Variants in ADAMTS18 observed in about 807,000 individuals in gnomAD.
ADAMTS18 encodes ADAM metallopeptidase with thrombospondin type 1 motif 18.
Under a neutral mutation model 165.9 loss-of-function variants are expected in ADAMTS18, and 157 were observed. The observed-to-expected ratio is 0.95, with a 90% CI of 0.83 to 1.08. The LOEUF is 1.08. ADAMTS18 is among the 50% of genes least tolerant of loss of function. ADAMTS18 has a pLI of 0.00. For synonymous variants in ADAMTS18, 782 were observed against 578.2 expected (o/e 1.35, Z -5.06); for missense variants, 2,040 against 1,534.0 (o/e 1.33, Z -5.51).
intron 7 of ADAMTS18, among the ~76,000 whole-genome samples, chr16:77,359,841 G>T (rs1181250887): frequency 6.6e-6 from 1 of 152,054 alleles, no homozygotes; most frequent in Non-Finnish European, 1.5e-5. Flanking sequence ...CACAGCTCAG[G>T]GTGTATTTTC....
At chr16:77,311,078 T>A (rs1269514861) in intron 16 of ADAMTS18, among the ~76,000 whole-genome samples, 2 of 151,846 alleles carry the variant, frequency 1.3e-5, no homozygotes, top group Admixed American at 1.3e-4. Flanking sequence ...ATGGGAAGAA[T>A]ATGATGTCAT....
At chr16:77,386,600 T>G (rs536574615) in intron 3 of ADAMTS18, among the ~76,000 whole-genome samples, 2 of 152,138 alleles carry the variant, frequency 1.3e-5, no homozygotes, top group Non-Finnish European at 2.9e-5. Context: ...CATCCCTCAT[T>G]ATATTACTAG....
chr16:77,339,633 A>T (rs2056368737), intron 11 of ADAMTS18, among the ~76,000 whole-genome samples: 2 of 151,900 alleles, frequency 1.3e-5, no homozygotes, highest in East Asian at 3.9e-4. Flanking sequence ...CTCAAGTCAC[A>T]AGTTCTAAGT....
chr16:77,334,804 A>C (rs2056276067), intron 12 of ADAMTS18, among the ~76,000 whole-genome samples: 1 of 122,854 alleles, frequency 8.1e-6, no homozygotes, highest in South Asian at 2.4e-4. Flanking sequence ...ACTATATACT[A>C]TAGTATACAG....
At chr16:77,397,571 T>C (rs952203647) in intron 3 of ADAMTS18, among the ~76,000 whole-genome samples, 2 of 152,344 alleles carry the variant, frequency 1.3e-5, no homozygotes, top group Admixed American at 1.3e-4. Context: ...GATGTTAATC[T>C]ATTCCAAGAA....
At chr16:77,293,037 T>C in intron 20 of ADAMTS18, 39 bp downstream of exon 20, 1 of 1,612,862 alleles carries the variant, frequency 6.2e-7, no homozygotes, top group Non-Finnish European at 8.5e-7. Flanking sequence ...GCCAGGATGG[T>C]CTCAATCTCC....
chr16:77,407,464 C>G (rs1342408808), intron 3 of ADAMTS18, among the ~76,000 whole-genome samples: 1 of 151,950 alleles, frequency 6.6e-6, no homozygotes, highest in Non-Finnish European at 1.5e-5. Context: ...CAAACTAACG[C>G]TAAAATGCAA....
chr16:77,332,077 C>T (rs1346192135), intron 12 of ADAMTS18, among the ~76,000 whole-genome samples: 4 of 152,102 alleles, frequency 2.6e-5, no homozygotes, highest in East Asian at 1.9e-4. Context: ...TAGGTACTAT[C>T]GTTATCCCGT....
At chr16:77,366,045 G>A (rs1489085928) in intron 4 of ADAMTS18, among the ~76,000 whole-genome samples, 1 of 152,150 alleles carries the variant, frequency 6.6e-6, no homozygotes, top group Non-Finnish European at 1.5e-5. Context: ...GCCCCTTAAT[G>A]GGGATATTTC....
At chr16:77,379,221 G>A (rs148261574) in intron 3 of ADAMTS18, among the ~76,000 whole-genome samples, 8 of 152,104 alleles carry the variant, frequency 5.3e-5, no homozygotes, top group Non-Finnish European at 1.2e-4. Context: ...ACCACCATAA[G>A]GTTCACCAAT....
chr16:77,324,948 C>G (rs1466904925), intron 13 of ADAMTS18, among the ~76,000 whole-genome samples: 2 of 152,176 alleles, frequency 1.3e-5, no homozygotes, highest in Non-Finnish European at 2.9e-5. Flanking sequence ...CATCAGTGCT[C>G]CTGAAATGGC....
intron 15 of ADAMTS18, 150 bp from the exon 16 acceptor site, chr16:77,320,243 A>T: frequency 1.0e-6 from 1 of 1,002,580 alleles, no homozygotes; most frequent in East Asian, 2.6e-5. Flanking sequence ...AGTAAACATG[A>T]TCAATGATTT....
At chr16:77,404,455 G>A (rs1422791864) in intron 3 of ADAMTS18, among the ~76,000 whole-genome samples, 1 of 152,062 alleles carries the variant, frequency 6.6e-6, no homozygotes, top group Non-Finnish European at 1.5e-5. Context: ...CTATAAGTCT[G>A]CAGAACCAAT....
In ADAMTS18 at chr16:77,364,354, G is replaced by A. The variant is rs746956218; in HGVS notation, c.806C>T (p.Thr269Ile). 8 of 1,613,756 alleles carry A rather than the reference G, an allele frequency of 5.0e-6. 2 individuals are homozygous for A. The South Asian group carries it at 8.8e-5, about 18-fold the overall frequency. The change falls in exon 5 of 23, where the codon ACC (threonine) becomes ATC (isoleucine). Residue 269 changes from threonine (T) to isoleucine (I), a missense_variant. Thr to Ile is a moderately conservative substitution (Grantham distance 89, BLOSUM62 -1). Coordinates refer to ENST00000282849, the MANE Select transcript of ADAMTS18 (RefSeq NM_199355.4). Reference protein sequence around the residue: ...KYAPKPPTEDTYLRFDEYGSS... With the variant: ...KYAPKPPTEDIYLRFDEYGSS... ...CCCATATTCATCAAACCTTAGATAG[G>A]TGTCCTCTGTGGGAGGCTTGGGAGC...
At position 77,294,963 on chromosome 16, in the gene ADAMTS18, T is replaced by C. The variant is rs755938429; in HGVS notation, c.2966A>G (p.His989Arg). 1 of 1,614,162 alleles carries C rather than the reference T, an allele frequency of 6.2e-7. No homozygotes were observed. The highest frequency in any genetic ancestry group is 2.2e-5 in the East Asian group (1 of 44,868). ...TPTQVQACNS[H>R]ACPPQWSLGP... ...AAGGCTCCATTGTGGAGGGCAGGCATGGCTGTTGCAGGCTTGGACCTGAGT... is the reference window on the plus strand; with the variant it reads ...AAGGCTCCATTGTGGAGGGCAGGCACGGCTGTTGCAGGCTTGGACCTGAGT... The change falls in exon 19 of 23, where the codon CAT (histidine) becomes CGT (arginine). Residue 989 changes from histidine to arginine, a missense_variant. Transcript: ENST00000282849.
At chr16:77,392,989 A>G (rs943554594) in intron 3 of ADAMTS18, among the ~76,000 whole-genome samples, 3 of 152,170 alleles carry the variant, frequency 2.0e-5, no homozygotes, top group Admixed American at 6.6e-5. Context: ...TAGGCAGTAA[A>G]GAAAAAAAAA....
At position 77,300,328 on chromosome 16, in the gene ADAMTS18, G is replaced by C. The variant is rs773021071; in HGVS notation, c.2609C>G (p.Ala870Gly). The change falls in exon 17 of 23, where the codon GCC becomes GGC. Residue 870 changes from alanine to glycine, a missense_variant. Physicochemically the swap from Ala to Gly is moderately conservative, Grantham distance 60. Transcript: ENST00000282849. ...CCAGGTATAGGCAGGTCTTTTTGTG[G>C]CTGGTGGAGTTCCATTCATGACCTT... ...LPKVMNGTPP[A>G]TKRPAYTWSI... 1 of 1,614,030 alleles carries C rather than the reference G, an allele frequency of 6.2e-7. No homozygotes were observed. The highest frequency in any genetic ancestry group is 1.1e-5 in the South Asian group (1 of 91,062).
chr16:77,371,040 C>A (rs1457928286), intron 3 of ADAMTS18, among the ~76,000 whole-genome samples: 1 of 152,048 alleles, frequency 6.6e-6, no homozygotes, highest in Non-Finnish European at 1.5e-5. Context: ...CATAGTGAAA[C>A]CCTGTCTCTA....
chr16:77,396,679 A>G (rs17620846), intron 3 of ADAMTS18, among the ~76,000 whole-genome samples: 26,599 of 152,250 alleles, frequency 0.17, 3,017 homozygotes, highest in Non-Finnish European at 0.26. Flanking sequence ...CATGTAAGAT[A>G]TGGAGATTGT....
Sources: allele counts gnomAD v4.1 joint callset (sites outside exome capture counted in the v4.1 genomes callset), GRCh38; gene constraint gnomAD v4.1.1; transcripts MANE v1.5; gene names NCBI Gene and HGNC (gene_info 2026-07-23, HGNC 2026-07-21).